Variants in AUTS2 observed in about 807,000 individuals in gnomAD.
AUTS2 encodes the protein activator of transcription and developmental regulator AUTS2, also known as autism susceptibility gene 2 protein.
Under a neutral mutation model 112.4 loss-of-function variants are expected in AUTS2, and 17 were observed. The observed-to-expected ratio is 0.15, with a 90% confidence interval of 0.10 to 0.23. The LOEUF is 0.23. Among genes scored for constraint, AUTS2 ranks in the 10% least tolerant of loss-of-function variants. AUTS2 has a pLI of 1.00. For synonymous variants in AUTS2, 751 were observed against 702.7 expected (o/e 1.07, Z -1.09); for missense variants, 1,510 against 1,701.6 (o/e 0.89, Z 1.98).
chr7:69,767,182 GT>G (rs1353286859), intron 1 of AUTS2, among the ~76,000 whole-genome samples: 2 of 151,624 alleles, frequency 1.3e-5, no homozygotes, highest in Non-Finnish European at 2.9e-5. Context: ...CTTTGTCATC[GT>G]CTTTTTTTTT....
At chr7:70,308,641 C>T (rs961334983) in intron 4 of AUTS2, among the ~76,000 whole-genome samples, 3 of 152,128 alleles carry the variant, frequency 2.0e-5, no homozygotes, top group Admixed American at 6.5e-5. Flanking sequence ...ATGTGCAAAC[C>T]GTTTAGAACA....
chr7:69,925,564 CAATT>C (rs1338394208), intron 2 of AUTS2, among the ~76,000 whole-genome samples: 3 of 152,054 alleles, frequency 2.0e-5, no homozygotes, highest in Non-Finnish European at 4.4e-5. Flanking sequence ...TTAAATCAGT[CAATT>C]AATTAATTAA....
chr7:70,723,290 C>T (rs1786807938), intron 6 of AUTS2, among the ~76,000 whole-genome samples: 1 of 152,152 alleles, frequency 6.6e-6, no homozygotes, highest in Admixed American at 6.5e-5. Context: ...CTTGCAATTG[C>T]TTTGGTTTAG....
intron 2 of AUTS2, among the ~76,000 whole-genome samples, chr7:69,975,636 C>T (rs572294512): frequency 6.6e-6 from 1 of 151,370 alleles, no homozygotes; most frequent in African/African-American, 2.4e-5. Flanking sequence ...TGATTCTTTA[C>T]TCTCCTCCAC....
At chr7:70,639,668 C>A (rs1585419347) in intron 5 of AUTS2, among the ~76,000 whole-genome samples, 2 of 145,992 alleles carry the variant, frequency 1.4e-5, no homozygotes, top group East Asian at 4.0e-4. Context: ...TGGGACCTTG[C>A]AGACAGGCCA....
In AUTS2 at chr7:70,694,452, C is replaced by T. The variant is rs1191940403; in HGVS notation, c.691-4117C>T. 6.7e-6 allele frequency: 1 copy of T among 149,018 alleles called. No homozygotes were observed. 9.2% of individuals were successfully genotyped at this position (149,018 alleles called of 1,614,324 possible). ...CGGCTGGAGAGGCGGGACCGGCTGT[C>T]GGGGAGCCCCGGGCGGCCGCCGGGG... On this transcript the variant is annotated intron_variant, in intron 5 of 18. Transcript: ENST00000342771. The surrounding 1 kb of genome is among the most constrained non-coding windows in gnomAD (Gnocchi z 4.1).
intron 6 of AUTS2, among the ~76,000 whole-genome samples, chr7:70,708,247 C>T (rs1016611892): frequency 1.3e-5 from 2 of 152,204 alleles, no homozygotes; most frequent in African/African-American, 4.8e-5. Context: ...TAAAGCTCCT[C>T]TCCCCGAAAA....
intron 5 of AUTS2, among the ~76,000 whole-genome samples, chr7:70,608,996 A>G (rs563688225): frequency 7.2e-5 from 11 of 152,222 alleles, no homozygotes; most frequent in Non-Finnish European, 1.5e-4. Context: ...TGTGTACAAC[A>G]TGATGTTCTA....
At chr7:69,890,210 T>C (rs1219530683) in intron 1 of AUTS2, among the ~76,000 whole-genome samples, 3 of 152,136 alleles carry the variant, frequency 2.0e-5, no homozygotes, top group Admixed American at 6.5e-5. Flanking sequence ...CAATTATCTG[T>C]GGGAATGGGA....
chr7:70,307,668 T>G (rs1416832275), intron 4 of AUTS2, among the ~76,000 whole-genome samples: 1 of 152,188 alleles, frequency 6.6e-6, no homozygotes, highest in Non-Finnish European at 1.5e-5. Flanking sequence ...CACCAAGTTA[T>G]GAAATCACAC....
chr7:70,397,152 CTCCCAGGT>C (rs772918057), intron 4 of AUTS2, among the ~76,000 whole-genome samples: 1 of 151,848 alleles, frequency 6.6e-6, no homozygotes, highest in Non-Finnish European at 1.5e-5. Flanking sequence ...CAACCTTCAC[CTCCCAGGT>C]TCAAGCGATT....
chr7:70,601,758 G>A (rs1003562340), intron 5 of AUTS2, among the ~76,000 whole-genome samples: 3 of 151,918 alleles, frequency 2.0e-5, no homozygotes, highest in African/African-American at 7.3e-5. Flanking sequence ...CTGTAAGAGG[G>A]GATCTCAGGA....
At chr7:70,571,963 CA>C (rs555492602) in intron 5 of AUTS2, among the ~76,000 whole-genome samples, 19 of 152,292 alleles carry the variant, frequency 1.2e-4, no homozygotes, top group Admixed American at 4.6e-4. Flanking sequence ...GTGTGTTCCA[CA>C]GGGGGAACTT....
At chr7:70,594,891 C>A (rs547354331) in intron 5 of AUTS2, among the ~76,000 whole-genome samples, 1 of 152,176 alleles carries the variant, frequency 6.6e-6, no homozygotes, top group Non-Finnish European at 1.5e-5. Context: ...CACCTGAGGT[C>A]AGGAGTTCAA....
chr7:69,884,636 C>T (rs1293161822), intron 1 of AUTS2, among the ~76,000 whole-genome samples: 1 of 152,206 alleles, frequency 6.6e-6, no homozygotes, highest in African/African-American at 2.4e-5. Flanking sequence ...CTAAACATCA[C>T]TAAATCTATC....
At chr7:70,120,532 G>A (rs1762532121) in intron 3 of AUTS2, among the ~76,000 whole-genome samples, 1 of 152,060 alleles carries the variant, frequency 6.6e-6, no homozygotes, top group Non-Finnish European at 1.5e-5. Context: ...GTTTTTCTGA[G>A]ATTTTTGTTA....
intron 2 of AUTS2, among the ~76,000 whole-genome samples, chr7:70,003,503 T>C (rs1472319295): frequency 8.0e-6 from 1 of 124,694 alleles, no homozygotes; most frequent in Non-Finnish European, 1.5e-5. Flanking sequence ...TATGAATATG[T>C]TATATATGTA....
chr7:69,709,001 A>T (rs1798186081), intron 1 of AUTS2, among the ~76,000 whole-genome samples: 1 of 152,180 alleles, frequency 6.6e-6, no homozygotes, highest in Non-Finnish European at 1.5e-5. Flanking sequence ...GACTCAGCTG[A>T]TGCCCTTGCT....
intron 1 of AUTS2, among the ~76,000 whole-genome samples, chr7:69,826,214 A>G (rs1791235982): frequency 6.6e-6 from 1 of 152,188 alleles, no homozygotes. Flanking sequence ...ATAACCCCTT[A>G]TAGTTAGTTA....
Sources: gnomAD v4.1 joint callset for allele counts (sites outside exome capture counted in the v4.1 genomes callset) on GRCh38, gnomAD v4.1.1 for gene constraint, Gnocchi (gnomAD v3.1) non-coding constraint, MANE v1.5 for transcripts, NCBI Gene and HGNC (gene_info 2026-07-23, HGNC 2026-07-21) for gene names.